LYN: variants seen among roughly 807,000 people sequenced by gnomAD.
LYN encodes the protein tyrosine-protein kinase Lyn.
Under a neutral mutation model 65.0 loss-of-function variants are expected in LYN, and 12 were observed. The observed-to-expected ratio is 0.18, with a 90% CI of 0.12 to 0.30. LYN has a LOEUF of 0.30. Among genes scored for constraint, LYN ranks in the 10% least tolerant of loss-of-function variants. LYN has a pLI of 1.00. For synonymous variants in LYN, 222 were observed against 221.2 expected (o/e 1.00, Z -0.03); for missense variants, 380 against 623.2 (o/e 0.61, Z 4.16).
chr8:55,911,098 T>TATATATATATATATACACACAC (rs1162508957), intron 1 of LYN, among the ~76,000 whole-genome samples: 3 of 11,690 alleles, frequency 2.6e-4, no homozygotes, highest in African/African-American at 1.0e-3. Flanking sequence ...TATATATATA[T>TATATATATATATATACACACAC]ACATACACGT....
chr8:55,970,968 A>G (rs959653868), intron 10 of LYN, among the ~76,000 whole-genome samples: 5 of 152,216 alleles, frequency 3.3e-5, no homozygotes, highest in African/African-American at 1.2e-4. Flanking sequence ...CACGGACACA[A>G]GCACCTCAGA....
chr8:55,901,083 T>A (rs1263740393), intron 1 of LYN, among the ~76,000 whole-genome samples: 2 of 152,206 alleles, frequency 1.3e-5, no homozygotes, highest in Non-Finnish European at 2.9e-5. Flanking sequence ...ATGTAAACCA[T>A]ACTGCCAGTG....
chr8:55,982,867 C>A lies in LYN; in HGVS notation c.1050+13074C>A, dbSNP rs570187369. ...TCCCTTCTGTCCACTCACCCTCCTGCAGCCGCTCCAGCCCCTACAGCCTCA... is the reference window on the plus strand; with the variant it reads ...TCCCTTCTGTCCACTCACCCTCCTGAAGCCGCTCCAGCCCCTACAGCCTCA... On this transcript the variant is annotated intron_variant, in intron 10 of 12. Coordinates refer to ENST00000519728, the MANE Select transcript of LYN (RefSeq NM_002350.4). 2.6e-5 allele frequency among the ~76,000 whole-genome samples: 4 copies of A among 152,258 alleles called. No individual in the cohort carries two copies. In the South Asian group the frequency reaches 8.3e-4, roughly 32 times the overall value.
chr8:55,976,224 G>A (rs572401454), intron 10 of LYN, among the ~76,000 whole-genome samples: 1 of 151,622 alleles, frequency 6.6e-6, no homozygotes, highest in African/African-American at 2.4e-5. Flanking sequence ...CTACTCCGAA[G>A]GCTGAGGTAG....
intron 1 of LYN, among the ~76,000 whole-genome samples, chr8:55,917,650 C>T (rs1805817209): frequency 6.6e-6 from 1 of 152,212 alleles, no homozygotes; most frequent in African/African-American, 2.4e-5. Flanking sequence ...CCTCCACTCA[C>T]ATGGAGACAG....
intron 1 of LYN, among the ~76,000 whole-genome samples, chr8:55,907,331 T>A (rs182060487): frequency 4.6e-5 from 7 of 152,324 alleles, no homozygotes; most frequent in Admixed American, 3.9e-4. Context: ...TATTCTATGA[T>A]AAACATTATT....
chr8:55,891,600 G>T (rs904332540), intron 1 of LYN, among the ~76,000 whole-genome samples: 1 of 152,100 alleles, frequency 6.6e-6, no homozygotes, highest in African/African-American at 2.4e-5. Context: ...GATGAAAAGA[G>T]TTCTGGAGAT....
Position 56,013,156 on chromosome 8 carries a change from A to G in LYN, c.*3046A>G, listed in dbSNP as rs1439819804. On this transcript the variant is annotated 3_prime_UTR_variant, in exon 13 of 13. Transcript: ENST00000519728. ...AGGGTGCATAAAAGGATAATAACTA[A>G]AAGGAGGGAATTAATTTTGTTGCCT... The G allele has an allele frequency of 6.6e-6, 1 of 152,206 alleles. No homozygotes were observed. The highest frequency in any genetic ancestry group is 1.5e-5 in the Non-Finnish European group (1 of 68,076). The allele number at this position is 152,206 out of a possible 1,614,324, so 9.4% of individuals were successfully genotyped here.
chr8:55,965,199 G>C (rs565305011), intron 8 of LYN, among the ~76,000 whole-genome samples: 1 of 152,194 alleles, frequency 6.6e-6, no homozygotes, highest in Non-Finnish European at 1.5e-5. Flanking sequence ...GTGGTGCCTC[G>C]GGGGAACTAT....
Position 56,010,089 on chromosome 8 carries a change from G to A in LYN, c.1518G>A (p.Gly506=), listed in dbSNP as rs200500233. The part of the protein sequence containing the change: ...VLDDFYTATE[G]QYQQQP ...ATGATTTCTACACAGCCACGGAAGGGCAATACCAGCAGCAGCCTTAGAGCA... is the reference window on the plus strand; with the variant it reads ...ATGATTTCTACACAGCCACGGAAGGACAATACCAGCAGCAGCCTTAGAGCA... The change falls in exon 13 of 13, where the codon GGG becomes GGA. Residue 506 remains glycine, a synonymous_variant. Coordinates refer to ENST00000519728, the MANE Select transcript of LYN (RefSeq NM_002350.4). 1 of 1,614,134 alleles carries A rather than the reference G, an allele frequency of 6.2e-7. No homozygotes were observed. The highest frequency in any genetic ancestry group is 1.3e-5 in the African/African-American group (1 of 75,018).
At chr8:55,963,848 A>G (rs73590328) in intron 8 of LYN, among the ~76,000 whole-genome samples, 4,570 of 152,208 alleles carry the variant, frequency 0.03, 131 homozygotes, top group African/African-American at 0.073. Context: ...CATCTATTTT[A>G]TATCATGTAT....
At chr8:56,003,129 G>A (rs542636487) in intron 12 of LYN, among the ~76,000 whole-genome samples, 2 of 149,758 alleles carry the variant, frequency 1.3e-5, no homozygotes, top group African/African-American at 2.5e-5. Flanking sequence ...GCGTGATCTC[G>A]GCTCACTGCT....
intron 1 of LYN, among the ~76,000 whole-genome samples, chr8:55,937,517 A>G (rs1806468636): frequency 6.6e-6 from 1 of 152,234 alleles, no homozygotes; most frequent in African/African-American, 2.4e-5. Context: ...CTCTACTATA[A>G]GTCATGCTAG....
At chr8:56,003,029 C>T (rs558394560) in intron 12 of LYN, among the ~76,000 whole-genome samples, 74 of 150,608 alleles carry the variant, frequency 4.9e-4, no homozygotes, top group Non-Finnish European at 8.8e-4. Flanking sequence ...ACTTTCTTTA[C>T]GCAGTAAACT....
intron 6 of LYN, 56 bp downstream of exon 6, chr8:55,950,840 A>G (rs1402027393): frequency 2.3e-6 from 3 of 1,292,046 alleles, no homozygotes; most frequent in Non-Finnish European, 3.4e-6. Context: ...TATTTTTAGA[A>G]ACTATTCTAG....
At chr8:55,967,468 C>T (rs1319952968) in intron 9 of LYN, among the ~76,000 whole-genome samples, 1 of 151,874 alleles carries the variant, frequency 6.6e-6, no homozygotes, top group Admixed American at 6.6e-5. Flanking sequence ...GCACGTGCCA[C>T]CATGCCCAGC....
intron 8 of LYN, among the ~76,000 whole-genome samples, chr8:55,966,231 T>G (rs958817248): frequency 6.6e-6 from 1 of 152,208 alleles, no homozygotes. Flanking sequence ...TAAACATTTT[T>G]TGGTAAAGAA....
chr8:55,890,034 T>C (rs1261428259), intron 1 of LYN, among the ~76,000 whole-genome samples: 1 of 138,908 alleles, frequency 7.2e-6, no homozygotes, highest in Non-Finnish European at 1.5e-5. Flanking sequence ...CCCAGCACTT[T>C]GGGAGCCTGA....
chr8:55,890,126 A>AT (rs1563495403), intron 1 of LYN, among the ~76,000 whole-genome samples: 2 of 150,402 alleles, frequency 1.3e-5, no homozygotes, highest in African/African-American at 4.9e-5. Flanking sequence ...ACAAAAAAAA[A>AT]AAAAAAAAAA....
Sources: gnomAD v4.1 joint callset for allele counts (sites outside exome capture counted in the v4.1 genomes callset) on GRCh38, gnomAD v4.1.1 for gene constraint, MANE v1.5 for transcripts, NCBI Gene and HGNC (gene_info 2026-07-23, HGNC 2026-07-21) for gene names.